LRRC4B: variants seen among roughly 807,000 people sequenced by gnomAD.
The protein encoded by LRRC4B is leucine rich repeat containing 4B.
In LRRC4B, 1 loss-of-function variant was observed where a neutral mutation model predicts 7.3. That is an observed-to-expected ratio of 0.14 (90% CI 0.05 to 0.65). The LOEUF (loss-of-function observed/expected upper bound fraction) is 0.65. Among genes scored for constraint, LRRC4B ranks in the 30% least tolerant of loss-of-function variants. The pLI, the probability that LRRC4B is intolerant of heterozygous loss-of-function variation, is 0.84. For synonymous variants in LRRC4B, 500 were observed against 499.2 expected, an observed-to-expected ratio of 1.00 and a Z score of -0.02; for missense variants, 730 against 1,041.6, an observed-to-expected ratio of 0.70 and a Z score of 4.12.
At chr19:50,557,576 C>T (rs1168705623) in intron 1 of LRRC4B, 1 of 152,218 alleles carries the variant, frequency 6.6e-6, no homozygotes, top group Non-Finnish European at 1.5e-5. Flanking sequence ...AAAGCAGAAA[C>T]CTGGGCTCCG....
intron 2 of LRRC4B, among the ~76,000 whole-genome samples, chr19:50,538,731 G>T (rs1302714020): frequency 6.6e-6 from 1 of 151,752 alleles, no homozygotes; most frequent in African/African-American, 2.4e-5. Context: ...ACCACACCTG[G>T]CTAATTTTTG....
intron 1 of LRRC4B, among the ~76,000 whole-genome samples, chr19:50,566,876 C>T (rs58529780): frequency 0.057 from 7,448 of 130,760 alleles, 652 homozygotes; most frequent in African/African-American, 0.2. Context: ...AAGGAGAAGG[C>T]GACTGGGGGT....
chr19:50,566,619 C>T (rs954822609), intron 1 of LRRC4B, among the ~76,000 whole-genome samples: 108 of 151,286 alleles, frequency 7.1e-4, no homozygotes, highest in Middle Eastern at 3.2e-3. Context: ...TCTGGAGACT[C>T]GAGTCCTGGA....
At chr19:50,557,543 C>T (rs1383712188) in intron 1 of LRRC4B, 1 of 152,274 alleles carries the variant, frequency 6.6e-6, no homozygotes, top group Non-Finnish European at 1.5e-5. Context: ...ATATAGGACT[C>T]GGAGCCTGGC....
At chr19:50,538,591 CAG>C (rs1238938918) in intron 2 of LRRC4B, among the ~76,000 whole-genome samples, 2 of 100,192 alleles carry the variant, frequency 2.0e-5, no homozygotes, top group Non-Finnish European at 3.8e-5. Context: ...TTTTTTGAGA[CAG>C]AGTCTTGCTC....
intron 2 of LRRC4B, among the ~76,000 whole-genome samples, chr19:50,543,531 C>T (rs1241334460): frequency 4.6e-5 from 7 of 152,110 alleles, no homozygotes; most frequent in East Asian, 1.9e-4. Flanking sequence ...GATGTCCCCC[C>T]GGTGTTGTTC....
At chr19:50,536,477 C>T (rs146749503) in intron 2 of LRRC4B, among the ~76,000 whole-genome samples, 33 of 152,282 alleles carry the variant, frequency 2.2e-4, no homozygotes, top group Non-Finnish European at 3.5e-4. Flanking sequence ...CACGCAGTGT[C>T]GAGAGGGCAG....
intron 1 of LRRC4B, among the ~76,000 whole-genome samples, chr19:50,564,071 G>A (rs1003333798): frequency 8.6e-5 from 13 of 152,024 alleles, no homozygotes; most frequent in Non-Finnish European, 1.8e-4. Flanking sequence ...AGAGGAAGAG[G>A]AGCAAACAGC....
At chr19:50,530,224 C>A (rs1242103021) in intron 2 of LRRC4B, among the ~76,000 whole-genome samples, 1 of 152,184 alleles carries the variant, frequency 6.6e-6, no homozygotes, top group Non-Finnish European at 1.5e-5. Flanking sequence ...TATGCCAGAG[C>A]TGACCCTGCC....
intron 2 of LRRC4B, among the ~76,000 whole-genome samples, chr19:50,533,569 A>G (rs1440816292): frequency 6.6e-6 from 1 of 152,224 alleles, no homozygotes; most frequent in Non-Finnish European, 1.5e-5. Context: ...TACAAAGACC[A>G]AAGACTAGTT....
chr19:50,559,077 A>G (rs1003492085), intron 1 of LRRC4B, among the ~76,000 whole-genome samples: 6 of 152,220 alleles, frequency 3.9e-5, no homozygotes, highest in Non-Finnish European at 8.8e-5. Flanking sequence ...ACCCATGGAT[A>G]GCCAGATTTG....
In LRRC4B at chr19:50,553,596, C is replaced by T. The variant is rs1982173803; in HGVS notation, c.-35-4723G>A. On this transcript the variant is annotated intron_variant, in intron 1 of 2. Transcript: ENST00000652263. This position sits in a 1 kb window ranked among gnomAD's most constrained non-coding sequence, Gnocchi z 4.2. ...CTCAGTGAGGCCGTCCTGACCGCCC[C>T]GCATCAAACAGCACCCCTATCCCTC... Among the ~76,000 whole-genome samples the T allele has an allele frequency of 6.6e-6, 1 of 152,218 alleles. No individual in the cohort carries two copies. Among genetic ancestry groups the T allele is most frequent in the Non-Finnish European group, 1.5e-5 (1 of 68,044 alleles).
At chr19:50,567,078 G>T (rs1211429131) in intron 1 of LRRC4B, among the ~76,000 whole-genome samples, 1 of 150,234 alleles carries the variant, frequency 6.7e-6, no homozygotes, top group African/African-American at 2.5e-5. Flanking sequence ...GTCTTAGAAG[G>T]TCCTAGAAGA....
At chr19:50,522,165 G>T (rs1200816629) in intron 2 of LRRC4B, among the ~76,000 whole-genome samples, 1 of 152,092 alleles carries the variant, frequency 6.6e-6, no homozygotes, top group Non-Finnish European at 1.5e-5. Flanking sequence ...GTGACAGAGG[G>T]AGATCCCGTC....
intron 1 of LRRC4B, among the ~76,000 whole-genome samples, chr19:50,558,969 G>C (rs968929902): frequency 6.6e-6 from 1 of 152,232 alleles, no homozygotes; most frequent in Non-Finnish European, 1.5e-5. Flanking sequence ...CCTGCGCTGC[G>C]GGAGCTGCCT....
At chr19:50,523,782 AC>A (rs1601373689) in intron 2 of LRRC4B, among the ~76,000 whole-genome samples, 1 of 152,118 alleles carries the variant, frequency 6.6e-6, no homozygotes, top group East Asian at 1.9e-4. Context: ...ACATGGCGAA[AC>A]CCCATCTCTA....
chr19:50,523,132 CG>C (rs1282587272), intron 2 of LRRC4B, among the ~76,000 whole-genome samples: 1 of 152,140 alleles, frequency 6.6e-6, no homozygotes, highest in Non-Finnish European at 1.5e-5. Flanking sequence ...GGTCAGAGCA[CG>C]GGAGGCAGGA....
intron 2 of LRRC4B, among the ~76,000 whole-genome samples, chr19:50,546,863 C>T (rs922593415): frequency 2.6e-5 from 4 of 152,196 alleles, no homozygotes; most frequent in African/African-American, 7.2e-5. Context: ...TTCTGCAAAG[C>T]GCGTTTCCCT....
rs11880112 is a variant in LRRC4B at position 50,548,932 on chromosome 19, T to C, written c.-35-59A>G. On this transcript the variant is annotated intron_variant, in intron 1 of 2. Coordinates refer to ENST00000652263, the MANE Select transcript of LRRC4B (RefSeq NM_001080457.2). This position sits in a 1 kb window ranked among gnomAD's most constrained non-coding sequence, Gnocchi z 6.8. ...GTGAGGGACAGGAGCCCATGTGGCCTGGGTGCTTGCCAACACCCAGGCAGC... is the reference window on the plus strand; with the variant it reads ...GTGAGGGACAGGAGCCCATGTGGCCCGGGTGCTTGCCAACACCCAGGCAGC... 499,172 of 930,378 alleles carry C rather than the reference T, an allele frequency of 0.54. 143,557 individuals carry two copies. Among genetic ancestry groups the C allele is most frequent in the African/African-American group, 0.9 (53,613 of 59,354 alleles). 57.6% of individuals were successfully genotyped at this position (930,378 alleles called of 1,614,324 possible).
Sources: gnomAD v4.1 joint callset for allele counts (sites outside exome capture counted in the v4.1 genomes callset) on GRCh38, gnomAD v4.1.1 for gene constraint, Gnocchi (gnomAD v3.1) non-coding constraint, MANE v1.5 for transcripts, NCBI Gene and HGNC (gene_info 2026-07-23, HGNC 2026-07-21) for gene names.